EXTL1: variants seen among roughly 807,000 people sequenced by gnomAD.
EXTL1 encodes the protein exostosin-like 1.
Under a neutral mutation model 64.6 loss-of-function variants are expected in EXTL1, and 43 were observed. The observed-to-expected ratio is 0.67, with a 90% confidence interval of 0.52 to 0.86. The LOEUF (loss-of-function observed/expected upper bound fraction) is 0.86. Ranked by LOEUF, EXTL1 falls within the 40% of genes least tolerant of loss-of-function variation. The pLI is 0.00. For synonymous variants in EXTL1, 352 were observed against 360.5 expected, an observed-to-expected ratio of 0.98 and a Z score of 0.27; for missense variants, 766 against 879.0, an observed-to-expected ratio of 0.87 and a Z score of 1.62.
In EXTL1 at chr1:26,035,274, G is replaced by C; in HGVS notation, c.1958G>C (p.Arg653Pro). Residue 653 changes from arginine to proline, a missense_variant, in exon 11 of 11, where the codon CGT becomes CCT. By Grantham distance (103) the Arg-to-Pro change is moderately radical. Transcript: ENST00000374280. This position sits in a 1 kb window ranked among gnomAD's most constrained non-coding sequence, Gnocchi z 5.3. ...GHMPLLSSRLRLDPVLFKDPV... is the reference protein window; with the variant it reads ...GHMPLLSSRLPLDPVLFKDPV... ...ATGCCCTTGCTGTCCTCTCGTCTGC[G>C]TCTGGACCCGGTGCTGTTTAAGGAC... 1 of 1,613,646 alleles carries C rather than the reference G, an allele frequency of 6.2e-7. No homozygotes were observed. The highest frequency in any genetic ancestry group is 8.5e-7 in the Non-Finnish European group (1 of 1,179,936).
chr1:26,026,456 G>A (rs921874330), intron 1 of EXTL1, among the ~76,000 whole-genome samples: 11 of 151,800 alleles, frequency 7.2e-5, no homozygotes, highest in African/African-American at 2.4e-4. Flanking sequence ...ACTACACCCA[G>A]CTAATTTTTG....
rs374773510 is a variant in EXTL1, at chr1:26,032,387, A to G, written c.1342-9A>G. On this transcript the variant is annotated splice_polypyrimidine_tract_variant and intron_variant, in intron 6 of 10. Coordinates refer to ENST00000374280, the MANE Select transcript of EXTL1 (RefSeq NM_004455.3). ...TCCCAGACTTCAAGAACAACCCCCT[A>G]TCCTCTAGATCTTGGTTCTCTGGAG... 9 of 1,550,362 alleles carry G rather than the reference A, an allele frequency of 5.8e-6. No individual in the cohort carries two copies. The African/African-American group carries it at 1.2e-4, about 21-fold the overall frequency.
chr1:26,031,551 C>G lies in EXTL1; in HGVS notation c.1326C>G (p.Ser442=), dbSNP rs2124410937. The G allele has an allele frequency of 1.9e-6, 3 of 1,591,088 alleles. No homozygotes were observed. In the East Asian group the frequency reaches 6.8e-5, roughly 36 times the overall value. The change falls in exon 6 of 11, where the codon TCC becomes TCG. Residue 442 remains serine, a synonymous_variant. Coordinates refer to ENST00000374280, the MANE Select transcript of EXTL1 (RefSeq NM_004455.3). ...PLKLIQAVAG[S]QHCAQILVLW... ...AGCTCATCCAGGCGGTGGCAGGCTC[C>G]CAGCACTGTGCCCAGGTCTGCCCCC...
chr1:26,035,196 C>T lies in EXTL1; in HGVS notation c.1880C>T (p.Pro627Leu). ...APGGPGPRPK[P>L]PAPAPDCINQ... The stretch of plus-strand genomic sequence containing the variant: ...GGGGGCCCGGGGCCCAGGCCAAAGC[C>T]GCCTGCCCCAGCCCCCGACTGCATC... Residue 627 changes from proline (P) to leucine (L), a missense_variant, in exon 11 of 11, where the codon CCG becomes CTG. By Grantham distance (98) the Pro-to-Leu change is moderately conservative. Transcript: ENST00000374280. The surrounding 1 kb of genome is among the most constrained non-coding windows in gnomAD (Gnocchi z 5.3). 6.2e-7 allele frequency: 1 copy of T among 1,610,910 alleles called. No individual in the cohort carries two copies. Among genetic ancestry groups the T allele is most frequent in the African/African-American group, 1.3e-5 (1 of 74,974 alleles).
chr1:26,031,730 T>C (rs568138208), intron 6 of EXTL1, among the ~76,000 whole-genome samples, 164 bp downstream of exon 6: 4 of 152,274 alleles, frequency 2.6e-5, no homozygotes, highest in Non-Finnish European at 5.9e-5. Flanking sequence ...AAGATTCTGT[T>C]GCCTTTTCCC....
rs774433686 is a variant in EXTL1 at position 26,022,958 on chromosome 1, T to TG, written c.314dup (p.Thr106AsnfsTer4). On this transcript the variant is annotated frameshift_variant, in exon 1 of 11. Coordinates refer to ENST00000374280, the MANE Select transcript of EXTL1 (RefSeq NM_004455.3). LOFTEE classifies it high-confidence loss of function. ...TTAAGGTATTCGTGTACCCAGCGGT[T>TG]GGAACCATCTCTGAGACTCATCGCA... 3.1e-6 allele frequency: 5 copies of TG among 1,614,162 alleles called. No individual in the cohort carries two copies. The South Asian group carries it at 4.4e-5, about 14-fold the overall frequency.
rs1382277419 is a variant in EXTL1, at chr1:26,034,260, C to T, written c.1679+404C>T. The stretch of plus-strand genomic sequence containing the variant: ...GGGAACATCCCAGACCTTCCAGAAG[C>T]TGCCTGAAGTGCTCCGGTCTTAGGG... On this transcript the variant is annotated intron_variant, in intron 9 of 10. Coordinates refer to ENST00000374280, the MANE Select transcript of EXTL1 (RefSeq NM_004455.3). This position sits in a 1 kb window ranked among gnomAD's most constrained non-coding sequence, Gnocchi z 4.6. Among the ~76,000 whole-genome samples the T allele has an allele frequency of 6.6e-6, 1 of 152,212 alleles. No individual in the cohort carries two copies. The highest frequency in any genetic ancestry group is 1.9e-4 in the East Asian group (1 of 5,202).
Position 26,032,380 on chromosome 1 carries a change from A to G in EXTL1, c.1342-16A>G. On this transcript the variant is annotated splice_polypyrimidine_tract_variant and intron_variant, in intron 6 of 10. Coordinates refer to ENST00000374280, the MANE Select transcript of EXTL1 (RefSeq NM_004455.3). ...CCCCAGATCCCAGACTTCAAGAACA[A>G]CCCCCTATCCTCTAGATCTTGGTTC... The G allele has an allele frequency of 1.3e-6, 2 of 1,544,496 alleles. No homozygotes were observed. The highest frequency in any genetic ancestry group is 1.8e-6 in the Non-Finnish European group (2 of 1,140,844).
chr1:26,031,510 G>C lies in EXTL1; in HGVS notation c.1285G>C (p.Gly429Arg). Reference sequence around the variant, plus strand: ...CGCCCTGATCTGGGTGGGGCCCCCAGGCCAGCCCCCTCTGAAGCTCATCCA... The same window carrying C: ...CGCCCTGATCTGGGTGGGGCCCCCACGCCAGCCCCCTCTGAAGCTCATCCA... ...FSALIWVGPP[G>R]QPPLKLIQAV... Residue 429 changes from glycine (G) to arginine (R), a missense_variant, in exon 6 of 11, where the codon GGC (glycine) becomes CGC (arginine). Coordinates refer to ENST00000374280, the MANE Select transcript of EXTL1 (RefSeq NM_004455.3). 6.2e-7 allele frequency: 1 copy of C among 1,601,676 alleles called. No homozygotes were observed. The highest frequency in any genetic ancestry group is 8.5e-7 in the Non-Finnish European group (1 of 1,174,424).
rs1347224000 is a variant in EXTL1 at position 26,032,499 on chromosome 1, A to G, written c.1431+14A>G. On this transcript the variant is annotated intron_variant, in intron 7 of 10. Coordinates refer to ENST00000374280, the MANE Select transcript of EXTL1 (RefSeq NM_004455.3). ...GGGCACAGGAAGGTAAGGGATGAGG[A>G]GAGCCATGAAAGGGGTGGGCCCATG... The G allele has an allele frequency of 2.6e-6, 4 of 1,546,032 alleles. No homozygotes were observed. Among genetic ancestry groups the G allele is most frequent in the Non-Finnish European group, 3.5e-6 (4 of 1,142,854 alleles).
rs368362104 is a variant in EXTL1 at position 26,030,687 on chromosome 1, A to ACC, written c.1101+101_1101+102dup. The stretch of plus-strand genomic sequence containing the variant: ...ACTTCTCTGCCACAGTGTTTGGGGA[A>ACC]CCCCCCCCCCTTCCTTGAAGATGGT... On this transcript the variant is annotated intron_variant, in intron 4 of 10. Coordinates refer to ENST00000374280, the MANE Select transcript of EXTL1 (RefSeq NM_004455.3). The ACC allele has an allele frequency of 8.1e-3, 9,553 of 1,181,542 alleles. 26 individuals carry two copies. Among genetic ancestry groups the ACC allele is most frequent in the African/African-American group, 0.028 (1,737 of 62,840 alleles). 73.2% of individuals were successfully genotyped at this position (1,181,542 alleles called of 1,614,324 possible).
In EXTL1 at chr1:26,035,541, G is replaced by GAGCCTCTGCGGAGGCTGAGCCCCGC; in HGVS notation, c.*195_*219dup. 1 of 472,578 alleles carries GAGCCTCTGCGGAGGCTGAGCCCCGC rather than the reference G, an allele frequency of 2.1e-6. No homozygotes were observed. The allele number at this position is 472,578 out of a possible 1,614,324, so 29.3% of individuals were successfully genotyped here. On this transcript the variant is annotated 3_prime_UTR_variant, in exon 11 of 11. Coordinates refer to ENST00000374280, the MANE Select transcript of EXTL1 (RefSeq NM_004455.3). The surrounding 1 kb of genome is among the most constrained non-coding windows in gnomAD (Gnocchi z 5.3). ...CTTCTCCTGCTCGCCCTCAGCCGCG[G>GAGCCTCTGCGGAGGCTGAGCCCCGC]AGCCTCTGCGGAGGCTGAGCCCCGC...
intron 1 of EXTL1, among the ~76,000 whole-genome samples, chr1:26,024,705 C>T (rs2050196174): frequency 6.6e-6 from 1 of 152,230 alleles, no homozygotes; most frequent in South Asian, 2.1e-4. Context: ...GCCCCTGCAG[C>T]TCAGCGCTCA....
chr1:26,023,538 G>A, intron 1 of EXTL1, 113 bp downstream of exon 1: 1 of 1,128,426 alleles, frequency 8.9e-7, no homozygotes, highest in East Asian at 3.1e-5. Context: ...AGTCCTGGTA[G>A]ACTTAGGCCT....
In EXTL1 at chr1:26,033,343, G is replaced by A. The variant is rs765070893; in HGVS notation, c.1518+28G>A. 1 of 1,593,162 alleles carries A rather than the reference G, an allele frequency of 6.3e-7. No homozygotes were observed. The highest frequency in any genetic ancestry group is 1.1e-5 in the South Asian group (1 of 90,720). On this transcript the variant is annotated intron_variant, in intron 8 of 10. Coordinates refer to ENST00000374280, the MANE Select transcript of EXTL1 (RefSeq NM_004455.3). The surrounding 1 kb of genome is among the most constrained non-coding windows in gnomAD (Gnocchi z 5.1). ...GAGGGCTGGGCCCAAGAGAAGCCCA[G>A]TGTGGGTAGACACAGAGCCAGAGGG...
chr1:26,029,453 C>T, intron 2 of EXTL1, 147 bp from the exon 3 acceptor site: 1 of 702,008 alleles, frequency 1.4e-6, no homozygotes, highest in Non-Finnish European at 2.5e-6. Flanking sequence ...TGCAGAACAA[C>T]CATAACCTCC....
rs980205362 is a variant in EXTL1, at chr1:26,022,501, C to T, written c.-146C>T. 3.0e-6 allele frequency: 2 copies of T among 667,634 alleles called. No individual in the cohort carries two copies. The highest frequency in any genetic ancestry group is 3.1e-5 in the Admixed American group (1 of 31,918). The allele number at this position is 667,634 out of a possible 1,614,324, so 41.4% of individuals were successfully genotyped here. On this transcript the variant is annotated 5_prime_UTR_variant, in exon 1 of 11. An upstream open reading frame in the 5' UTR gains an earlier in-frame stop. Transcript: ENST00000374280. ...TGACCTTAGACAGGCGGCCTGGTCT[C>T]GATGGGCCTCAGTCTTCCCATCTGT...
chr1:26,032,461 G>C lies in EXTL1; in HGVS notation c.1407G>C (p.Leu469Phe), dbSNP rs1385916661. The C allele has an allele frequency of 6.4e-7, 1 of 1,552,502 alleles. No homozygotes were observed. The highest frequency in any genetic ancestry group is 1.4e-5 in the African/African-American group (1 of 73,228). Residue 469 changes from leucine (L) to phenylalanine (F), a missense_variant, in exon 7 of 11, where the codon TTG (leucine) becomes TTC (phenylalanine). Coordinates refer to ENST00000374280, the MANE Select transcript of EXTL1 (RefSeq NM_004455.3). ...GGTGGCCGGAGACAGCTGTGCCCTTGACAGTCATTGATGGGCACAGGAAGG... is the reference window on the plus strand; with the variant it reads ...GGTGGCCGGAGACAGCTGTGCCCTTCACAGTCATTGATGGGCACAGGAAGG... ...PSRWPETAVP[L>F]TVIDGHRKVS...
At chr1:26,032,068 CT>C (rs1378988576) in intron 6 of EXTL1, 1 of 278,048 alleles carries the variant, frequency 3.6e-6, no homozygotes, top group Non-Finnish European at 6.7e-6. Context: ...ATAAAAGAGC[CT>C]GAGGAAGAGA....
Sources: gnomAD v4.1 joint callset for allele counts (sites outside exome capture counted in the v4.1 genomes callset) on GRCh38, gnomAD v4.1.1 for gene constraint, Gnocchi (gnomAD v3.1) non-coding constraint, MANE v1.5 for transcripts, NCBI Gene and HGNC (gene_info 2026-07-23, HGNC 2026-07-21) for gene names.